The following LHFPL6 variants were observed in gnomAD, a reference collection of about 807,000 sequenced individuals.
LHFPL6 encodes the protein LHFPL tetraspan subfamily member 6 protein.
A neutral mutation model predicts 20.6 loss-of-function variants in LHFPL6; 9 were observed. The observed-to-expected ratio is 0.44, with a 90% CI of 0.26 to 0.76. LHFPL6 has a LOEUF of 0.76. LHFPL6 is among the 30% of genes least tolerant of loss of function. The pLI is 0.20. For missense variants in LHFPL6, 218 were observed against 253.5 expected (o/e 0.86, Z 0.95); for synonymous variants, 105 against 98.7 (o/e 1.06, Z -0.38).
intron 2 of LHFPL6, among the ~76,000 whole-genome samples, chr13:39,382,308 C>T (rs1870462777): frequency 6.6e-6 from 1 of 152,172 alleles, no homozygotes. Flanking sequence ...GCTTTTCCTC[C>T]CACCAAACTT....
intron 1 of LHFPL6, 44 bp from the exon 2 acceptor site, chr13:39,601,434 G>A (rs1872943950): frequency 2.2e-6 from 1 of 457,416 alleles, no homozygotes; most frequent in Admixed American, 3.5e-5. Flanking sequence ...GGCATTAAAA[G>A]AAGTGATAAC....
intron 2 of LHFPL6, among the ~76,000 whole-genome samples, chr13:39,500,297 T>C (rs1466896111): frequency 1.3e-5 from 2 of 152,094 alleles, no homozygotes; most frequent in African/African-American, 4.8e-5. Context: ...CTCGACCTCC[T>C]GGGCTCAAGA....
At chr13:39,370,878 T>G (rs955571008) in intron 3 of LHFPL6, among the ~76,000 whole-genome samples, 1 of 152,156 alleles carries the variant, frequency 6.6e-6, no homozygotes, top group East Asian at 1.9e-4. Context: ...AGCTCAAAAT[T>G]TTTTTAAAAA....
intron 3 of LHFPL6, among the ~76,000 whole-genome samples, chr13:39,346,535 A>T (rs1869404874): frequency 6.6e-6 from 1 of 152,088 alleles, no homozygotes; most frequent in South Asian, 2.1e-4. Flanking sequence ...AAAGTTTAAT[A>T]AGCTGCTCCA....
intron 2 of LHFPL6, among the ~76,000 whole-genome samples, chr13:39,444,995 T>C (rs1000536268): frequency 1.3e-5 from 2 of 152,198 alleles, no homozygotes; most frequent in African/African-American, 4.8e-5. Flanking sequence ...CTGCCCTTAT[T>C]AATTGGGTTA....
At chr13:39,502,571 T>C (rs1055512698) in intron 2 of LHFPL6, among the ~76,000 whole-genome samples, 2 of 152,030 alleles carry the variant, frequency 1.3e-5, no homozygotes, top group African/African-American at 4.8e-5. Flanking sequence ...CAGTGAGCCA[T>C]GATCAAGCCA....
intron 2 of LHFPL6, among the ~76,000 whole-genome samples, chr13:39,574,916 C>A (rs1593370353): frequency 2.0e-5 from 3 of 152,050 alleles, no homozygotes; most frequent in African/African-American, 7.2e-5. Flanking sequence ...TACTAAAAAT[C>A]AAAAATCAGC....
chr13:39,430,397 T>C (rs1355358325), intron 2 of LHFPL6, among the ~76,000 whole-genome samples: 1 of 152,232 alleles, frequency 6.6e-6, no homozygotes, highest in Non-Finnish European at 1.5e-5. Context: ...GACTTACTTC[T>C]GATCTTATGG....
intron 3 of LHFPL6, among the ~76,000 whole-genome samples, chr13:39,344,996 C>T (rs897641729): frequency 6.6e-6 from 1 of 152,158 alleles, no homozygotes; most frequent in African/African-American, 2.4e-5. Context: ...CCAAGTTATT[C>T]TTTTTGTGTG....
intron 3 of LHFPL6, among the ~76,000 whole-genome samples, chr13:39,371,079 T>C (rs1025204282): frequency 6.6e-6 from 1 of 152,122 alleles, no homozygotes; most frequent in Admixed American, 6.5e-5. Flanking sequence ...TTCCTTTGAT[T>C]GAAAATTGGA....
At position 39,601,316 on chromosome 13, in the gene LHFPL6, G is replaced by T. The variant is rs930389002; in HGVS notation, c.-100C>A. On this transcript the variant is annotated 5_prime_UTR_variant, in exon 2 of 4. In the 5' UTR this introduces an upstream ATG that the reference lacks. Coordinates refer to ENST00000379589, the MANE Select transcript of LHFPL6 (RefSeq NM_005780.3). ...ACCAGGGACCCACAGATAATCCACA[G>T]TTCCGTAATGCAGAATGGATCTTCA... 1.5e-5 allele frequency: 18 copies of T among 1,202,960 alleles called. No individual in the cohort carries two copies. The highest frequency in any genetic ancestry group is 1.8e-5 in the Non-Finnish European group (16 of 875,206). 74.5% of individuals were successfully genotyped at this position (1,202,960 alleles called of 1,614,324 possible).
chr13:39,406,890 C>T (rs1416219528), intron 2 of LHFPL6, among the ~76,000 whole-genome samples: 1 of 152,140 alleles, frequency 6.6e-6, no homozygotes, highest in African/African-American at 2.4e-5. Flanking sequence ...GTATCAACTG[C>T]AGGTTTTAGC....
At chr13:39,510,044 G>A (rs951288749) in intron 2 of LHFPL6, among the ~76,000 whole-genome samples, 12 of 152,172 alleles carry the variant, frequency 7.9e-5, no homozygotes, top group African/African-American at 1.2e-4. Flanking sequence ...AGAAACTCAC[G>A]GTGCTCAAAG....
intron 2 of LHFPL6, among the ~76,000 whole-genome samples, chr13:39,595,470 T>G (rs986427116): frequency 1.3e-5 from 2 of 152,180 alleles, no homozygotes; most frequent in Non-Finnish European, 2.9e-5. Context: ...TTTTCGTATT[T>G]TTAGTGGAGC....
chr13:39,488,502 C>T (rs992194996), intron 2 of LHFPL6, among the ~76,000 whole-genome samples: 3 of 152,072 alleles, frequency 2.0e-5, no homozygotes, highest in Admixed American at 6.5e-5. Flanking sequence ...AGGGCCTCCT[C>T]CCTTACTCTC....
chr13:39,434,364 C>T (rs1871897825), intron 2 of LHFPL6, among the ~76,000 whole-genome samples: 1 of 152,154 alleles, frequency 6.6e-6, no homozygotes, highest in Non-Finnish European at 1.5e-5. Flanking sequence ...AAGAAGGCAG[C>T]AGAATTCTAA....
chr13:39,436,419 A>C (rs2138409894), intron 2 of LHFPL6, among the ~76,000 whole-genome samples: 1 of 152,326 alleles, frequency 6.6e-6, no homozygotes, highest in African/African-American at 2.4e-5. Flanking sequence ...CAAATGAATA[A>C]CTGAATTATA....
intron 2 of LHFPL6, among the ~76,000 whole-genome samples, chr13:39,482,012 T>C (rs1868543933): frequency 6.6e-6 from 1 of 152,190 alleles, no homozygotes; most frequent in South Asian, 2.1e-4. Context: ...GGCCATGTTT[T>C]GTTGGATGTA....
intron 3 of LHFPL6, among the ~76,000 whole-genome samples, chr13:39,355,567 CCCA>C (rs1869704267): frequency 6.6e-6 from 1 of 152,142 alleles, no homozygotes; most frequent in Admixed American, 6.5e-5. Context: ...GTACAAATGC[CCCA>C]CTTAGAAGGT....
Sources: allele counts gnomAD v4.1 joint callset (sites outside exome capture counted in the v4.1 genomes callset), GRCh38; gene constraint gnomAD v4.1.1; transcripts MANE v1.5; gene names NCBI Gene and HGNC (gene_info 2026-07-23, HGNC 2026-07-21).